NELL2: variants seen among roughly 807,000 people sequenced by gnomAD.
NELL2 encodes protein kinase C-binding protein NELL2.
A neutral mutation model predicts 109.6 loss-of-function variants in NELL2; 41 were observed. That is an observed-to-expected ratio of 0.37 (90% confidence interval 0.29 to 0.49). NELL2 has a LOEUF of 0.49. Ranked by LOEUF, NELL2 falls within the 20% of genes least tolerant of loss-of-function variation. The pLI is 0.98. For missense variants in NELL2, 900 were observed against 1,008.3 expected (o/e 0.89, Z 1.45); for synonymous variants, 355 against 344.7 (o/e 1.03, Z -0.33).
chr12:44,673,903 T>C (rs1361632479), intron 12 of NELL2, among the ~76,000 whole-genome samples: 2 of 152,110 alleles, frequency 1.3e-5, no homozygotes, highest in Non-Finnish European at 2.9e-5. Flanking sequence ...ACTCATAATG[T>C]ACATAAGCTA....
intron 15 of NELL2, among the ~76,000 whole-genome samples, chr12:44,579,610 C>T (rs541548716): frequency 2.6e-5 from 4 of 152,198 alleles, no homozygotes; most frequent in Middle Eastern, 3.4e-3. Context: ...TTACTACTGC[C>T]GCCTTAAAAC....
At chr12:44,880,402 T>G (rs2136857175), upstream of NELL2, among the ~76,000 whole-genome samples, 1 of 151,814 alleles carries the variant, frequency 6.6e-6, no homozygotes, top group Admixed American at 6.6e-5. Flanking sequence ...AATAAAACAG[T>G]GCTAAAAATT....
chr12:44,628,772 G>A (rs1259528055), intron 13 of NELL2, among the ~76,000 whole-genome samples: 3 of 152,286 alleles, frequency 2.0e-5, no homozygotes, highest in Non-Finnish European at 4.4e-5. Context: ...TAGACAATGA[G>A]GGGATGACCC....
At chr12:44,623,643 G>A (rs1177886096) in intron 13 of NELL2, among the ~76,000 whole-genome samples, 2 of 152,102 alleles carry the variant, frequency 1.3e-5, no homozygotes, top group African/African-American at 4.8e-5. Flanking sequence ...TTTCAGGGGA[G>A]TTTAAGAGAT....
intron 15 of NELL2, among the ~76,000 whole-genome samples, chr12:44,582,676 TG>T (rs1944364493): frequency 6.6e-6 from 1 of 151,856 alleles, no homozygotes; most frequent in Non-Finnish European, 1.5e-5. Flanking sequence ...TGACCACAGG[TG>T]TGAGTCACTA....
chr12:44,688,671 T>TA (rs1287644824), intron 12 of NELL2, among the ~76,000 whole-genome samples: 2 of 152,336 alleles, frequency 1.3e-5, no homozygotes, highest in African/African-American at 4.8e-5. Context: ...TTGTCACAGA[T>TA]AGACAGATTT....
intron 16 of NELL2, among the ~76,000 whole-genome samples, chr12:44,525,848 T>C (rs994474523): frequency 7.9e-5 from 12 of 152,196 alleles, no homozygotes; most frequent in Non-Finnish European, 1.3e-4. Context: ...CCTGGTTCTT[T>C]TTTTGTCTAT....
At chr12:44,837,565 C>T (rs1220121371) in intron 2 of NELL2, among the ~76,000 whole-genome samples, 1 of 152,216 alleles carries the variant, frequency 6.6e-6, no homozygotes, top group Non-Finnish European at 1.5e-5. Context: ...CACTTAGTTA[C>T]TGCTTACTAT....
chr12:44,732,383 T>C (rs901426587), intron 9 of NELL2, among the ~76,000 whole-genome samples: 5 of 151,814 alleles, frequency 3.3e-5, no homozygotes, highest in Non-Finnish European at 5.9e-5. Context: ...TGAAACAGAA[T>C]AGAGAGCCCA....
At chr12:44,846,879 A>G (rs977800620) in intron 2 of NELL2, among the ~76,000 whole-genome samples, 1 of 152,180 alleles carries the variant, frequency 6.6e-6, no homozygotes, top group East Asian at 1.9e-4. Context: ...CAACCTTCCA[A>G]AATTAAAAAC....
At chr12:44,697,378 C>T (rs143852649) in intron 12 of NELL2, among the ~76,000 whole-genome samples, 2 of 152,194 alleles carry the variant, frequency 1.3e-5, no homozygotes, top group Non-Finnish European at 1.5e-5. Flanking sequence ...ACACTGGGGC[C>T]ATTTGGATAC....
chr12:44,566,606 C>G (rs1299437365), intron 15 of NELL2, among the ~76,000 whole-genome samples: 1 of 151,012 alleles, frequency 6.6e-6, no homozygotes, highest in African/African-American at 2.5e-5. Context: ...AATAATTTGA[C>G]CTATATTTAC....
rs1268191129 is a variant in NELL2 at position 44,827,190 on chromosome 12, T to A, written c.185-11054A>T. ...TGTGGATCCAAGGTAGGTATATATA[T>A]TTATGAGTTACATGAGATATTTTGA... On this transcript the variant is annotated intron_variant, in intron 2 of 19. Transcript: ENST00000429094. Among the ~76,000 whole-genome samples the A allele has an allele frequency of 3.9e-5, 6 of 152,288 alleles. No homozygotes were observed. In the South Asian group the frequency reaches 1.2e-3, roughly 32 times the overall value.
intron 9 of NELL2, among the ~76,000 whole-genome samples, chr12:44,726,393 A>C (rs1181135845): frequency 6.6e-6 from 1 of 152,136 alleles, no homozygotes; most frequent in Non-Finnish European, 1.5e-5. Context: ...TGTGTTGCCT[A>C]AAGTGGGTGA....
At chr12:44,811,197 G>C (rs1242586736) in intron 3 of NELL2, among the ~76,000 whole-genome samples, 1 of 151,864 alleles carries the variant, frequency 6.6e-6, no homozygotes, top group East Asian at 1.9e-4. Flanking sequence ...GAAGGGGAGG[G>C]AGAGCATTAG....
intron 3 of NELL2, among the ~76,000 whole-genome samples, chr12:44,792,756 C>A (rs193274285): frequency 1.3e-5 from 2 of 152,196 alleles, no homozygotes; most frequent in African/African-American, 4.8e-5. Flanking sequence ...GGGAAATATG[C>A]ACTCTGATAC....
intron 5 of NELL2, 58 bp from the exon 6 acceptor site, chr12:44,777,372 C>A (rs766042627): frequency 6.0e-5 from 82 of 1,371,440 alleles, no homozygotes; most frequent in Admixed American, 2.7e-4. Flanking sequence ...AAATTATGTT[C>A]AATGGTCAAG....
At chr12:44,919,783 G>T (rs1945855709) in intron 1 of NELL2, among the ~76,000 whole-genome samples, 1 of 152,180 alleles carries the variant, frequency 6.6e-6, no homozygotes, top group Non-Finnish European at 1.5e-5. Context: ...CCCCAGAGCT[G>T]TGAGACAATG....
chr12:44,794,228 T>C (rs905565689), intron 3 of NELL2, among the ~76,000 whole-genome samples: 8 of 152,202 alleles, frequency 5.3e-5, no homozygotes, highest in South Asian at 2.1e-4. Context: ...ACTTGCCTCA[T>C]TGGATTTTTG....
Sources: gnomAD v4.1 joint callset for allele counts (sites outside exome capture counted in the v4.1 genomes callset) on GRCh38, gnomAD v4.1.1 for gene constraint, MANE v1.5 for transcripts, NCBI Gene and HGNC (gene_info 2026-07-23, HGNC 2026-07-21) for gene names.